MARCHF1: variants seen among roughly 807,000 people sequenced by gnomAD.
The protein encoded by MARCHF1 is E3 ubiquitin-protein ligase MARCHF1.
MARCHF1 carries 40 observed loss-of-function variants against 54.2 expected under a neutral mutation model. That is an observed-to-expected ratio of 0.74 (90% CI 0.57 to 0.96). The LOEUF (loss-of-function observed/expected upper bound fraction) is 0.96. MARCHF1 is among the 40% of genes least tolerant of loss of function. The pLI, the probability that MARCHF1 is intolerant of heterozygous loss-of-function variation, is 0.00. For synonymous variants in MARCHF1, 236 were observed against 236.3 expected (o/e 1.00, Z 0.01); for missense variants, 586 against 656.5 (o/e 0.89, Z 1.17).
At position 163,670,336 on chromosome 4, in the gene MARCHF1, G is replaced by C. The variant is rs1408774258; in HGVS notation, c.162+30477C>G. Among the ~76,000 whole-genome samples the C allele has an allele frequency of 2.6e-5, 4 of 151,554 alleles. No homozygotes were observed. In the East Asian group the frequency reaches 5.8e-4, roughly 22 times the overall value. On this transcript the variant is annotated intron_variant, in intron 5 of 9. Transcript: ENST00000514618. ...ATTAAAAAATAACATGACATCAAAAGACAAATTATAGACCTAGAGTAGGAT... is the reference window on the plus strand; with the variant it reads ...ATTAAAAAATAACATGACATCAAAACACAAATTATAGACCTAGAGTAGGAT...
chr4:163,811,687 G>T (rs1748393131), intron 4 of MARCHF1, among the ~76,000 whole-genome samples: 1 of 152,136 alleles, frequency 6.6e-6, no homozygotes, highest in Admixed American at 6.5e-5. Context: ...TTAGAAAAAA[G>T]TAGGCAGGCC....
At chr4:163,589,082 A>C (rs1361228826) in intron 7 of MARCHF1, among the ~76,000 whole-genome samples, 1 of 151,768 alleles carries the variant, frequency 6.6e-6, no homozygotes, top group South Asian at 2.1e-4. Flanking sequence ...AAAAAAAAAA[A>C]AAAACTGCAG....
At chr4:164,099,535 AC>A (rs1285332973) in intron 2 of MARCHF1, among the ~76,000 whole-genome samples, 17 of 152,254 alleles carry the variant, frequency 1.1e-4, no homozygotes, top group African/African-American at 4.1e-4. Context: ...TACATAAGCT[AC>A]TCTAACAGGA....
chr4:163,960,497 C>T (rs76171625), intron 3 of MARCHF1, among the ~76,000 whole-genome samples: 1 of 151,922 alleles, frequency 6.6e-6, no homozygotes, highest in South Asian at 2.1e-4. Context: ...GAGCTTGTGC[C>T]TTTTGAGGGA....
chr4:163,788,296 T>G (rs1324435068), intron 4 of MARCHF1, among the ~76,000 whole-genome samples: 2 of 152,008 alleles, frequency 1.3e-5, no homozygotes, highest in Non-Finnish European at 2.9e-5. Flanking sequence ...ACAAAGATAA[T>G]ACCGAGAATT....
chr4:163,952,103 C>T (rs1752144862), intron 3 of MARCHF1, among the ~76,000 whole-genome samples: 1 of 152,046 alleles, frequency 6.6e-6, no homozygotes, highest in Non-Finnish European at 1.5e-5. Context: ...CTTGTTTTTC[C>T]CCAAGTAAGC....
At chr4:163,682,615 T>A (rs947064176) in intron 5 of MARCHF1, among the ~76,000 whole-genome samples, 1 of 152,186 alleles carries the variant, frequency 6.6e-6, no homozygotes, top group Non-Finnish European at 1.5e-5. Context: ...TTAGTTCCCA[T>A]AATCCTCACA....
intron 7 of MARCHF1, among the ~76,000 whole-genome samples, chr4:163,599,286 T>A (rs910251762): frequency 5.5e-5 from 6 of 108,358 alleles, no homozygotes; most frequent in African/African-American, 2.0e-4. Flanking sequence ...TGAGACTCCA[T>A]CTCAAAAAAA....
At position 163,770,851 on chromosome 4, in the gene MARCHF1, A is replaced by G. The variant is rs1204060695; in HGVS notation, c.112-69988T>C. On this transcript the variant is annotated intron_variant, in intron 4 of 9. Coordinates refer to ENST00000514618, the MANE Select transcript of MARCHF1 (RefSeq NM_001394959.1). ...TTATAGCTCCTATCAGACAGTTATG[A>G]TCTTTTAAAATGCTAAAGAAATACT... Among the ~76,000 whole-genome samples the G allele has an allele frequency of 2.6e-5, 4 of 152,220 alleles. No homozygotes were observed. In the East Asian group the frequency reaches 7.7e-4, roughly 29 times the overall value.
At chr4:163,846,745 A>T (rs1346862727) in intron 4 of MARCHF1, among the ~76,000 whole-genome samples, 2 of 152,076 alleles carry the variant, frequency 1.3e-5, no homozygotes, top group African/African-American at 2.4e-5. Flanking sequence ...CCATATTTTA[A>T]GGCATATGGC....
intron 3 of MARCHF1, among the ~76,000 whole-genome samples, chr4:163,907,855 A>C (rs1017324022): frequency 6.6e-6 from 1 of 152,154 alleles, no homozygotes; most frequent in Non-Finnish European, 1.5e-5. Context: ...TTCATGCAAG[A>C]GTTCCTGGCA....
At chr4:164,347,323 A>G (rs1304817836) in intron 1 of MARCHF1, among the ~76,000 whole-genome samples, 1 of 152,142 alleles carries the variant, frequency 6.6e-6, no homozygotes, top group Non-Finnish European at 1.5e-5. Flanking sequence ...ATGCTGCTGA[A>G]CTAGGACTGC....
chr4:163,574,994 G>A (rs557443493), intron 8 of MARCHF1, among the ~76,000 whole-genome samples: 1 of 151,918 alleles, frequency 6.6e-6, no homozygotes, highest in Admixed American at 6.6e-5. Context: ...ATTTCATTGA[G>A]CAGTGGTTTG....
chr4:163,544,426 A>ACAGTG (rs1401823238), intron 9 of MARCHF1, among the ~76,000 whole-genome samples: 1 of 152,140 alleles, frequency 6.6e-6, no homozygotes, highest in African/African-American at 2.4e-5. Context: ...CCAGAAAAGG[A>ACAGTG]CAGTGGCACC....
At chr4:163,918,307 A>C (rs896067859) in intron 3 of MARCHF1, among the ~76,000 whole-genome samples, 4 of 152,078 alleles carry the variant, frequency 2.6e-5, no homozygotes, top group African/African-American at 4.8e-5. Context: ...TTTTGGATGC[A>C]AATTCTTTAT....
At chr4:164,157,629 A>G (rs978076962) in intron 1 of MARCHF1, among the ~76,000 whole-genome samples, 4 of 152,088 alleles carry the variant, frequency 2.6e-5, no homozygotes, top group Non-Finnish European at 4.4e-5. Context: ...GTCTCTGTCT[A>G]GCATCTGGGT....
chr4:164,130,075 T>A (rs1181143405), intron 1 of MARCHF1: 1 of 152,090 alleles, frequency 6.6e-6, no homozygotes, highest in African/African-American at 2.4e-5. Context: ...TGCAATAAAA[T>A]AAAATGGTTT....
intron 3 of MARCHF1, among the ~76,000 whole-genome samples, chr4:163,975,919 A>C (rs1473079644): frequency 6.6e-6 from 1 of 152,190 alleles, no homozygotes; most frequent in Non-Finnish European, 1.5e-5. Flanking sequence ...CTTGGATTGG[A>C]TAGAGTCAGT....
At chr4:163,759,760 C>T (rs909762385) in intron 4 of MARCHF1, among the ~76,000 whole-genome samples, 6 of 152,262 alleles carry the variant, frequency 3.9e-5, no homozygotes, top group Admixed American at 1.3e-4. Context: ...CCTGGGAATA[C>T]AGAATTTCCT....
Sources: gnomAD v4.1 joint callset for allele counts (sites outside exome capture counted in the v4.1 genomes callset) on GRCh38, gnomAD v4.1.1 for gene constraint, MANE v1.5 for transcripts, NCBI Gene and HGNC (gene_info 2026-07-23, HGNC 2026-07-21) for gene names.